GRAMD1B: variants seen among roughly 807,000 people sequenced by gnomAD.
GRAMD1B encodes GRAM domain containing 1B.
In GRAMD1B, 37 loss-of-function variants were observed where a neutral mutation model predicts 99.7. That is an observed-to-expected ratio of 0.37 (90% CI 0.29 to 0.49). The LOEUF (loss-of-function observed/expected upper bound fraction) is 0.49. GRAMD1B is among the 20% of genes least tolerant of loss of function. GRAMD1B has a pLI of 0.98. For missense variants in GRAMD1B, 888 were observed against 1,009.2 expected (o/e 0.88, Z 1.63); for synonymous variants, 427 against 387.6 (o/e 1.10, Z -1.19).
chr11:123,373,535 C>A (rs1256890450), intron 1 of GRAMD1B, among the ~76,000 whole-genome samples: 1 of 152,040 alleles, frequency 6.6e-6, no homozygotes, highest in African/African-American at 2.4e-5. Flanking sequence ...GAAACAGGGA[C>A]CAAGGAAATG....
At chr11:123,390,819 C>T (rs1005635515) in intron 1 of GRAMD1B, among the ~76,000 whole-genome samples, 3 of 152,222 alleles carry the variant, frequency 2.0e-5, no homozygotes, top group African/African-American at 7.2e-5. Context: ...CTTTCCATGA[C>T]CTCATCTAGG....
rs544338465 is a variant in GRAMD1B, at chr11:123,400,623, G to T, written c.-176+41824G>T. 2.0e-5 allele frequency among the ~76,000 whole-genome samples: 3 copies of T among 152,268 alleles called. No homozygotes were observed. The South Asian group carries it at 6.2e-4, about 32-fold the overall frequency. On this transcript the variant is annotated intron_variant, in intron 1 of 20. Coordinates refer to the GRAMD1B transcript ENST00000638157. Reference sequence around the variant, plus strand: ...TTGCTGTGTCCTCATGTGCAGAAGTGGTGAGGGAGCTCTCTGGGGTCTCTT... The same window carrying T: ...TTGCTGTGTCCTCATGTGCAGAAGTTGTGAGGGAGCTCTCTGGGGTCTCTT...
At chr11:123,548,307 T>TGTAC (rs1945228720) in intron 2 of GRAMD1B, among the ~76,000 whole-genome samples, 3 of 79,276 alleles carry the variant, frequency 3.8e-5, no homozygotes, top group Middle Eastern at 5.1e-3. Flanking sequence ...TATATATATA[T>TGTAC]ATATATATAT....
At chr11:123,534,602 C>T (rs762863748) in intron 2 of GRAMD1B, among the ~76,000 whole-genome samples, 1 of 152,156 alleles carries the variant, frequency 6.6e-6, no homozygotes, top group African/African-American at 2.4e-5. Flanking sequence ...GTGGCTCATG[C>T]TTGTAATCCC....
chr11:123,583,533 G>A (rs1949702935), intron 3 of GRAMD1B, among the ~76,000 whole-genome samples: 1 of 152,142 alleles, frequency 6.6e-6, no homozygotes, highest in Non-Finnish European at 1.5e-5. Context: ...TGTACATGAA[G>A]GACTACTGGC....
At position 123,591,679 on chromosome 11, in the gene GRAMD1B, G is replaced by C. The variant is rs1271618529; in HGVS notation, c.685-2403G>C. ...ATTTGACCATTTTAAATTGAAATAGGTGAGCCAGGCCCCGCCTTTGGGGGT... is the reference window on the plus strand; with the variant it reads ...ATTTGACCATTTTAAATTGAAATAGCTGAGCCAGGCCCCGCCTTTGGGGGT... On this transcript the variant is annotated intron_variant, in intron 4 of 19. Transcript: ENST00000635736. The surrounding 1 kb of genome is among the most constrained non-coding windows in gnomAD (Gnocchi z 4.7). 1 of 394,462 alleles carries C rather than the reference G, an allele frequency of 2.5e-6. No individual in the cohort carries two copies. Among genetic ancestry groups the C allele is most frequent in the Non-Finnish European group, 4.5e-6 (1 of 224,056 alleles). 24.4% of individuals were successfully genotyped at this position (394,462 alleles called of 1,614,324 possible). A position where few individuals can be genotyped will look rare whatever the true frequency, so the allele number is the denominator to read the frequency against.
At chr11:123,422,435 C>T (rs976925027) in intron 1 of GRAMD1B, among the ~76,000 whole-genome samples, 1 of 152,234 alleles carries the variant, frequency 6.6e-6, no homozygotes, top group African/African-American at 2.4e-5. Flanking sequence ...CAATGAAAAT[C>T]CTCCATACAG....
At chr11:123,583,905 A>G (rs888537742) in intron 3 of GRAMD1B, among the ~76,000 whole-genome samples, 1 of 152,050 alleles carries the variant, frequency 6.6e-6, no homozygotes, top group African/African-American at 2.4e-5. Context: ...CCTGCCTTTT[A>G]CAGGGGGCTG....
intron 2 of GRAMD1B, among the ~76,000 whole-genome samples, chr11:123,543,487 A>T (rs931504591): frequency 6.6e-6 from 1 of 152,218 alleles, no homozygotes; most frequent in Non-Finnish European, 1.5e-5. Context: ...TGGCCAAAGG[A>T]GGAAACCCTG....
Position 123,559,745 on chromosome 11 carries a change from G to A in GRAMD1B, c.453-17622G>A, listed in dbSNP as rs139887691. ...GCTGTCTGTGAGAGCCTGACCTGCGGGAGAAGCGAGCATCCTGGAAGTCTG... is the reference window on the plus strand; with the variant it reads ...GCTGTCTGTGAGAGCCTGACCTGCGAGAGAAGCGAGCATCCTGGAAGTCTG... On this transcript the variant is annotated intron_variant, in intron 2 of 19. Coordinates refer to ENST00000635736, the MANE Select transcript of GRAMD1B (RefSeq NM_001387025.1). The A allele has an allele frequency of 7.8e-4, 727 of 933,584 alleles. 1 individual carries two copies. Among genetic ancestry groups the A allele is most frequent in the Non-Finnish European group, 8.5e-4 (669 of 782,704 alleles). The allele number at this position is 933,584 out of a possible 1,614,324, so 57.8% of individuals were successfully genotyped here.
At chr11:123,428,336 G>C (rs1027124293), upstream of GRAMD1B, among the ~76,000 whole-genome samples, 1 of 152,232 alleles carries the variant, frequency 6.6e-6, no homozygotes, top group Non-Finnish European at 1.5e-5. Context: ...GGAGCCGGAA[G>C]AGGTGACCTT....
intron 2 of GRAMD1B, among the ~76,000 whole-genome samples, chr11:123,548,317 T>TACAC (rs1298307128): frequency 2.1e-4 from 20 of 96,918 alleles, no homozygotes; most frequent in East Asian, 1.2e-3. Context: ...TATATATATA[T>TACAC]ATATATATAC....
At chr11:123,388,335 C>T (rs1030583270) in intron 1 of GRAMD1B, among the ~76,000 whole-genome samples, 6 of 151,820 alleles carry the variant, frequency 4.0e-5, no homozygotes, top group African/African-American at 1.5e-4. Context: ...GTGATTAGGT[C>T]ATAAGAAGGA....
rs560700085 is a variant in GRAMD1B at position 123,502,790 on chromosome 11, A to G, written c.452+21897A>G. On this transcript the variant is annotated intron_variant, in intron 2 of 19. Transcript: ENST00000635736. ...ACTCCATCTCAAAAAAAAAAAAAAA[A>G]AAAGAAAGAAAGAAAAAGAAAATGC... Among the ~76,000 whole-genome samples the G allele has an allele frequency of 3.0e-4, 46 of 151,664 alleles. No individual in the cohort carries two copies. In the South Asian group the frequency reaches 7.1e-3, roughly 23 times the overall value.
At chr11:123,386,541 G>A (rs1298394166) in intron 1 of GRAMD1B, among the ~76,000 whole-genome samples, 4 of 150,182 alleles carry the variant, frequency 2.7e-5, no homozygotes, top group East Asian at 3.9e-4. Context: ...AGATTCAAGC[G>A]ATTCTCCTGC....
chr11:123,401,698 G>A (rs1947668321), intron 1 of GRAMD1B, among the ~76,000 whole-genome samples: 2 of 152,134 alleles, frequency 1.3e-5, no homozygotes, highest in Admixed American at 1.3e-4. Flanking sequence ...AGCCTGGACA[G>A]CATAGTGAGA....
chr11:123,601,890 G>T (rs1952028921), intron 8 of GRAMD1B, among the ~76,000 whole-genome samples: 1 of 152,226 alleles, frequency 6.6e-6, no homozygotes, highest in African/African-American at 2.4e-5. Flanking sequence ...AGGAGAGTCT[G>T]CTAACTGTGC....
At chr11:123,473,646 C>G (rs1315537192) in intron 1 of GRAMD1B, among the ~76,000 whole-genome samples, 1 of 151,988 alleles carries the variant, frequency 6.6e-6, no homozygotes, top group Non-Finnish European at 1.5e-5. Context: ...ATTTTGAATC[C>G]CTGAATCTTT....
chr11:123,362,796 A>G (rs908530718), intron 1 of GRAMD1B, among the ~76,000 whole-genome samples: 2 of 152,122 alleles, frequency 1.3e-5, no homozygotes, highest in Non-Finnish European at 2.9e-5. Context: ...GATGGAAGAG[A>G]GCAATTCCTA....
Sources: gnomAD v4.1 joint callset for allele counts (sites outside exome capture counted in the v4.1 genomes callset) on GRCh38, gnomAD v4.1.1 for gene constraint, Gnocchi (gnomAD v3.1) non-coding constraint, MANE v1.5 for transcripts, NCBI Gene and HGNC (gene_info 2026-07-23, HGNC 2026-07-21) for gene names.